Variants in TMPRSS7 observed in about 807,000 individuals in gnomAD.
TMPRSS7 encodes transmembrane serine protease 7.
A neutral mutation model predicts 95.6 loss-of-function variants in TMPRSS7; 81 were observed. The ratio of observed to expected loss-of-function variants is 0.85; its 90% CI spans 0.71 to 1.02. TMPRSS7 has a LOEUF of 1.02. Ranked by LOEUF, TMPRSS7 falls within the 50% of genes least tolerant of loss-of-function variation. The pLI is 0.00. For synonymous variants in TMPRSS7, 364 were observed against 337.8 expected (o/e 1.08, Z -0.85); for missense variants, 945 against 955.2 (o/e 0.99, Z 0.14).
At chr3:112,062,015 T>A in intron 11 of TMPRSS7, 92 bp downstream of exon 11, 1 of 946,892 alleles carries the variant, frequency 1.1e-6, no homozygotes, top group South Asian at 3.8e-5. Context: ...AAGAAATGAA[T>A]ACTGCTTTAT....
chr3:112,064,223 A>G lies in TMPRSS7; in HGVS notation c.1555+591A>G, dbSNP rs527776609. On this transcript the variant is annotated intron_variant, in intron 12 of 17. Transcript: ENST00000452346. ...AAACACCGAAATCCTGTTTGAAGGC[A>G]CAGATTCTCCATCTAGAGAGAAGCT... Among the ~76,000 whole-genome samples the G allele has an allele frequency of 6.6e-5, 10 of 152,352 alleles. No homozygotes were observed. The South Asian group carries it at 1.9e-3, about 28-fold the overall frequency.
intron 9 of TMPRSS7, among the ~76,000 whole-genome samples, chr3:112,051,167 AG>A (rs1206689822): frequency 1.3e-5 from 2 of 152,198 alleles, no homozygotes; most frequent in Non-Finnish European, 2.9e-5. Context: ...CTGTATCTGC[AG>A]GTTTGGCATC....
Position 112,041,941 on chromosome 3 carries a change from CT to C in TMPRSS7, c.325del (p.Tyr109ThrfsTer35), listed in dbSNP as rs1215174565. ...ACAGGTAAAACAGAAAGCAAAGATGCTTTTTACTTTGCTGGGATGTTTCGCA... is the reference window on the plus strand; with the variant it reads ...ACAGGTAAAACAGAAAGCAAAGATGCTTTTACTTTGCTGGGATGTTTCGCA... On this transcript the variant is annotated frameshift_variant, in exon 3 of 18. Coordinates refer to ENST00000452346, the Ensembl canonical transcript of TMPRSS7. LOFTEE classifies it high-confidence loss of function. 4 of 1,549,504 alleles carry C rather than the reference CT, an allele frequency of 2.6e-6. No homozygotes were observed. Among genetic ancestry groups the C allele is most frequent in the Non-Finnish European group, 3.5e-6 (4 of 1,145,050 alleles).
exon 12 of TMPRSS7, chr3:112,063,575 G>A: frequency 6.2e-7 from 1 of 1,614,060 alleles, no homozygotes. Flanking sequence ...TGTCCCTCAG[G>A]CCCAGCGTTG....
intron 9 of TMPRSS7, among the ~76,000 whole-genome samples, chr3:112,052,910 T>G (rs1576106495): frequency 7.0e-6 from 1 of 142,746 alleles, no homozygotes. Flanking sequence ...GGGTTGGGGG[T>G]GAGAAATGCT....
chr3:112,042,799 C>T (rs1443574180), intron 3 of TMPRSS7, among the ~76,000 whole-genome samples: 1 of 152,170 alleles, frequency 6.6e-6, no homozygotes, highest in Non-Finnish European at 1.5e-5. Flanking sequence ...TTGTGAGTAT[C>T]TCTGACTACT....
At chr3:112,060,150 G>T in intron 10 of TMPRSS7, among the ~76,000 whole-genome samples, 1 of 152,168 alleles carries the variant, frequency 6.6e-6, no homozygotes, top group East Asian at 1.9e-4. Flanking sequence ...GGGAGTGTAC[G>T]AATAGGGTGT....
chr3:112,053,974 A>G (rs1169734359), intron 9 of TMPRSS7, among the ~76,000 whole-genome samples: 1 of 152,236 alleles, frequency 6.6e-6, no homozygotes, highest in Non-Finnish European at 1.5e-5. Context: ...AGTCATCAGC[A>G]CAGCACCATC....
intron 13 of TMPRSS7, 83 bp from the exon 14 acceptor site, chr3:112,074,213 G>T (rs752074324): frequency 1.1e-5 from 11 of 978,376 alleles, no homozygotes; most frequent in Non-Finnish European, 1.6e-5. Context: ...TTTTTATGGG[G>T]TTTGGAGTTA....
chr3:112,078,654 G>C (rs2073740996), intron 16 of TMPRSS7, 88 bp from the exon 17 acceptor site: 2 of 1,537,668 alleles, frequency 1.3e-6, no homozygotes, highest in Admixed American at 1.7e-5. Flanking sequence ...GGTAAAAGGA[G>C]ATAATGTGTG....
At chr3:112,074,407 G>T in exon 14 of TMPRSS7, 2 of 1,609,058 alleles carry the variant, frequency 1.2e-6, no homozygotes, top group Non-Finnish European at 1.7e-6. Context: ...GATGAAGAAG[G>T]CTGCAGTAAG....
chr3:112,040,774 G>T (rs1458897410), intron 2 of TMPRSS7, among the ~76,000 whole-genome samples: 3 of 152,194 alleles, frequency 2.0e-5, no homozygotes, highest in African/African-American at 4.8e-5. Flanking sequence ...AGGGAGACTG[G>T]TATGGACCAG....
intron 1 of TMPRSS7, among the ~76,000 whole-genome samples, chr3:112,037,416 A>C (rs1025147016): frequency 6.6e-6 from 1 of 152,186 alleles, no homozygotes; most frequent in Non-Finnish European, 1.5e-5. Context: ...AGGTTGGCGA[A>C]TTCTAGTCAG....
chr3:112,070,582 A>G (rs554690717), intron 13 of TMPRSS7, among the ~76,000 whole-genome samples: 3 of 152,288 alleles, frequency 2.0e-5, no homozygotes, highest in African/African-American at 7.2e-5. Context: ...CCATTATGTA[A>G]TGGCCCTCTT....
chr3:112,074,036 A>G (rs556427860), intron 13 of TMPRSS7, among the ~76,000 whole-genome samples: 27 of 152,334 alleles, frequency 1.8e-4, no homozygotes, highest in African/African-American at 6.3e-4. Flanking sequence ...TTCATGTCTC[A>G]CCTGCTATGG....
intron 9 of TMPRSS7, among the ~76,000 whole-genome samples, chr3:112,051,483 T>C (rs1004212477): frequency 6.6e-6 from 1 of 152,132 alleles, no homozygotes; most frequent in Non-Finnish European, 1.5e-5. Flanking sequence ...ATTTCAGTTG[T>C]ATAAGCAAAC....
rs77559603 is a variant in TMPRSS7, at chr3:112,048,549, G to T, written c.959+582G>T. Among the ~76,000 whole-genome samples, 420 of 152,214 alleles carry T rather than the reference G, an allele frequency of 2.8e-3. 10 individuals are homozygous for T. In the South Asian group the frequency reaches 0.044, roughly 16 times the overall value. The stretch of plus-strand genomic sequence containing the variant: ...TAATAGTAGATATTTATTTATGGGT[G>T]CTTAATATTTGGTAAACTAATAATG... On this transcript the variant is annotated intron_variant, in intron 7 of 17. Transcript: ENST00000452346.
intron 13 of TMPRSS7, among the ~76,000 whole-genome samples, chr3:112,067,467 T>TTC (rs1458111347): frequency 6.6e-6 from 1 of 152,230 alleles, no homozygotes; most frequent in East Asian, 1.9e-4. Flanking sequence ...GCATTCCTAT[T>TTC]TCTCCACATT....
intron 13 of TMPRSS7, among the ~76,000 whole-genome samples, chr3:112,071,001 G>T (rs1046249450): frequency 6.6e-6 from 1 of 152,116 alleles, no homozygotes; most frequent in Non-Finnish European, 1.5e-5. Flanking sequence ...ATGTTAGCTG[G>T]TCATTTTGCC....
Sources: allele counts gnomAD v4.1 joint callset (sites outside exome capture counted in the v4.1 genomes callset), GRCh38; gene constraint gnomAD v4.1.1; transcripts MANE v1.5; gene names NCBI Gene and HGNC (gene_info 2026-07-23, HGNC 2026-07-21).